NKAIN2: variants seen among roughly 807,000 people sequenced by gnomAD.
The protein encoded by NKAIN2 is sodium/potassium-transporting ATPase subunit beta-1-interacting protein 2.
In NKAIN2, 14 loss-of-function variants were observed where a neutral mutation model predicts 32.6. That is an observed-to-expected ratio of 0.43 (90% confidence interval 0.28 to 0.67). NKAIN2 has a LOEUF of 0.67. Among genes scored for constraint, NKAIN2 ranks in the 30% least tolerant of loss-of-function variants. The probability of loss-of-function intolerance (pLI) is 0.17; values close to 1 mark genes in which losing one functional copy is unlikely to be tolerated. For synonymous variants in NKAIN2, 80 were observed against 87.2 expected (o/e 0.92, Z 0.46); for missense variants, 198 against 258.3 (o/e 0.77, Z 1.60).
chr6:124,813,663 T>C (rs1781015722), intron 5 of NKAIN2, among the ~76,000 whole-genome samples: 1 of 152,180 alleles, frequency 6.6e-6, no homozygotes. Context: ...AAATCTGTAC[T>C]GATTTGTAAA....
chr6:124,671,855 A>G (rs1242674587), intron 4 of NKAIN2, among the ~76,000 whole-genome samples: 1 of 152,042 alleles, frequency 6.6e-6, no homozygotes, highest in Non-Finnish European at 1.5e-5. Context: ...GAGCTGGGAT[A>G]AATATAATTA....
chr6:124,673,576 C>T (rs1047482000), intron 4 of NKAIN2, among the ~76,000 whole-genome samples: 1 of 151,998 alleles, frequency 6.6e-6, no homozygotes, highest in African/African-American at 2.4e-5. Context: ...TAATAATGGC[C>T]ATCCTAACAA....
chr6:123,817,013 G>C (rs1773721201), intron 1 of NKAIN2, among the ~76,000 whole-genome samples: 2 of 152,086 alleles, frequency 1.3e-5, no homozygotes, highest in South Asian at 4.1e-4. Flanking sequence ...GATTGTTCTG[G>C]GGGTTGTATA....
At chr6:124,522,238 C>T (rs1562235896) in intron 3 of NKAIN2, among the ~76,000 whole-genome samples, 2 of 152,078 alleles carry the variant, frequency 1.3e-5, no homozygotes, top group South Asian at 2.1e-4. Flanking sequence ...AAGAATGATG[C>T]TATGTTCATG....
At chr6:124,261,492 T>G (rs192829733) in intron 1 of NKAIN2, among the ~76,000 whole-genome samples, 2 of 152,198 alleles carry the variant, frequency 1.3e-5, no homozygotes, top group Non-Finnish European at 2.9e-5. Flanking sequence ...TAGGTGACTG[T>G]CATAGTCATT....
chr6:124,720,095 A>T (rs1202963303), intron 4 of NKAIN2, among the ~76,000 whole-genome samples: 2 of 152,176 alleles, frequency 1.3e-5, no homozygotes, highest in African/African-American at 4.8e-5. Flanking sequence ...TATCAGTCAA[A>T]CTGAAAGGAA....
chr6:123,830,796 C>T (rs1194193443), intron 1 of NKAIN2, among the ~76,000 whole-genome samples: 1 of 152,154 alleles, frequency 6.6e-6, no homozygotes, highest in East Asian at 1.9e-4. Context: ...GTCTGTCCAG[C>T]GTGTGTATCA....
At chr6:124,612,622 A>T (rs915012657) in intron 3 of NKAIN2, among the ~76,000 whole-genome samples, 4 of 152,186 alleles carry the variant, frequency 2.6e-5, no homozygotes, top group Non-Finnish European at 5.9e-5. Context: ...TGTATGGCTC[A>T]AAAATCTCTG....
intron 3 of NKAIN2, among the ~76,000 whole-genome samples, chr6:124,454,498 A>T (rs905944636): frequency 1.3e-5 from 2 of 152,066 alleles, no homozygotes; most frequent in African/African-American, 4.8e-5. Flanking sequence ...TTATTGCTTG[A>T]GGTGAATGAT....
chr6:124,288,022 A>T (rs1795640319), intron 2 of NKAIN2, among the ~76,000 whole-genome samples: 1 of 152,122 alleles, frequency 6.6e-6, no homozygotes, highest in Non-Finnish European at 1.5e-5. Flanking sequence ...CTAGAAAAAA[A>T]AAGTTTCAAA....
At chr6:124,321,812 G>A (rs1797205776) in intron 2 of NKAIN2, among the ~76,000 whole-genome samples, 1 of 152,082 alleles carries the variant, frequency 6.6e-6, no homozygotes, top group African/African-American at 2.4e-5. Flanking sequence ...CATTGGCATG[G>A]CTGCTCAGAA....
intron 1 of NKAIN2, among the ~76,000 whole-genome samples, chr6:124,103,383 A>C (rs2114954040): frequency 6.6e-6 from 1 of 152,332 alleles, no homozygotes; most frequent in Middle Eastern, 3.4e-3. Context: ...CCAATGAAAA[A>C]GTGAACTATA....
chr6:123,991,024 G>A (rs558964416), intron 1 of NKAIN2, among the ~76,000 whole-genome samples: 1 of 152,236 alleles, frequency 6.6e-6, no homozygotes, highest in Non-Finnish European at 1.5e-5. Flanking sequence ...TAAATTTAAG[G>A]TAATGATAAT....
At chr6:124,573,331 G>A (rs1781202373) in intron 3 of NKAIN2, among the ~76,000 whole-genome samples, 1 of 152,034 alleles carries the variant, frequency 6.6e-6, no homozygotes, top group South Asian at 2.1e-4. Context: ...CCGAGAGCTA[G>A]AAGACCAGGC....
At chr6:124,272,964 G>C (rs1290924650) in intron 1 of NKAIN2, among the ~76,000 whole-genome samples, 2 of 152,184 alleles carry the variant, frequency 1.3e-5, no homozygotes, top group African/African-American at 4.8e-5. Flanking sequence ...TTTACCCAAT[G>C]CCTGTTCCCC....
chr6:124,330,522 G>T (rs1216764482), intron 2 of NKAIN2, among the ~76,000 whole-genome samples: 1 of 152,198 alleles, frequency 6.6e-6, no homozygotes, highest in Non-Finnish European at 1.5e-5. Context: ...ACATCAACCA[G>T]TCATGACATG....
intron 4 of NKAIN2, among the ~76,000 whole-genome samples, chr6:124,775,051 C>G (rs1778927903): frequency 6.6e-6 from 1 of 151,990 alleles, no homozygotes; most frequent in African/African-American, 2.4e-5. Flanking sequence ...TCTGTGCTCT[C>G]AAAACACTTG....
intron 4 of NKAIN2, among the ~76,000 whole-genome samples, chr6:124,708,619 T>A (rs1355437238): frequency 2.0e-5 from 3 of 151,138 alleles, no homozygotes; most frequent in Non-Finnish European, 3.0e-5. Flanking sequence ...GAATGGGAGT[T>A]CACTCATGAT....
intron 5 of NKAIN2, among the ~76,000 whole-genome samples, chr6:124,817,513 A>G (rs1283102568): frequency 6.6e-6 from 1 of 152,078 alleles, no homozygotes; most frequent in Non-Finnish European, 1.5e-5. Context: ...GCTGTGTTCC[A>G]AGAGAGAACA....
Sources: allele counts gnomAD v4.1 joint callset (sites outside exome capture counted in the v4.1 genomes callset), GRCh38; gene constraint gnomAD v4.1.1; transcripts MANE v1.5; gene names NCBI Gene and HGNC (gene_info 2026-07-23, HGNC 2026-07-21).